Variants in RPTOR observed in about 807,000 individuals in gnomAD.
RPTOR encodes regulatory-associated protein of mTOR.
RPTOR carries 21 observed loss-of-function variants against 169.9 expected under a neutral mutation model. That is an observed-to-expected ratio of 0.12 (90% CI 0.09 to 0.18). The LOEUF is 0.18. Among genes scored for constraint, RPTOR ranks in the 10% least tolerant of loss-of-function variants. The pLI is 1.00. For missense variants in RPTOR, 1,133 were observed against 1,855.9 expected (o/e 0.61, Z 7.16); for synonymous variants, 732 against 753.2 (o/e 0.97, Z 0.46).
rs780165771 is a variant in RPTOR at position 80,752,102 on chromosome 17, C to T, written c.655-1908C>T. On this transcript the variant is annotated intron_variant, in intron 5 of 33. Coordinates refer to ENST00000306801, the MANE Select transcript of RPTOR (RefSeq NM_020761.3). ...ATCTACATGACATGCCCAGGCATCA[C>T]ATTTCAGGGTAACTGAAGAGAAGGC... Among the ~76,000 whole-genome samples, 7 of 152,268 alleles carry T rather than the reference C, an allele frequency of 4.6e-5. No homozygotes were observed. The South Asian group carries it at 6.2e-4, about 13-fold the overall frequency.
At chr17:80,751,162 G>A (rs940626535) in intron 5 of RPTOR, among the ~76,000 whole-genome samples, 4 of 152,220 alleles carry the variant, frequency 2.6e-5, no homozygotes, top group Non-Finnish European at 4.4e-5. Context: ...CGAGGTGGCT[G>A]TGAGTGAATA....
chr17:80,848,832 A>C (rs968706132), intron 11 of RPTOR, among the ~76,000 whole-genome samples: 1 of 152,200 alleles, frequency 6.6e-6, no homozygotes, highest in Non-Finnish European at 1.5e-5. Flanking sequence ...GATTTCTTTC[A>C]ATGTTCCCTT....
intron 3 of RPTOR, among the ~76,000 whole-genome samples, chr17:80,690,397 T>G (rs186306948): frequency 6.6e-6 from 1 of 152,338 alleles, no homozygotes; most frequent in East Asian, 1.9e-4. Context: ...GAATGTATTG[T>G]GAGTTACTTC....
intron 6 of RPTOR, among the ~76,000 whole-genome samples, chr17:80,765,466 G>GTAGC (rs2066776926): frequency 6.6e-6 from 1 of 152,194 alleles, no homozygotes; most frequent in Non-Finnish European, 1.5e-5. Context: ...AGGGATAACA[G>GTAGC]TAGCTAGCAT....
chr17:80,759,305 G>C (rs2066711706), intron 6 of RPTOR, among the ~76,000 whole-genome samples: 1 of 152,200 alleles, frequency 6.6e-6, no homozygotes, highest in Non-Finnish European at 1.5e-5. Context: ...ACCAAGGCAT[G>C]ATGTGTCATC....
intron 5 of RPTOR, 45 bp from the exon 6 acceptor site, chr17:80,753,965 A>G (rs374240594): frequency 1.8e-5 from 28 of 1,542,800 alleles, no homozygotes; most frequent in African/African-American, 1.2e-4. Context: ...GGTTGTGACC[A>G]GCAGCTAAAT....
At chr17:80,568,123 G>A (rs888495692) in intron 1 of RPTOR, among the ~76,000 whole-genome samples, 3 of 151,970 alleles carry the variant, frequency 2.0e-5, no homozygotes, top group African/African-American at 7.2e-5. Context: ...TGACCAGGCT[G>A]GTCTCGAACT....
chr17:80,962,813 G>T, intron 32 of RPTOR, 115 bp from the exon 33 acceptor site: 1 of 1,528,720 alleles, frequency 6.5e-7, no homozygotes, highest in South Asian at 1.3e-5. Context: ...CACCTGCCCC[G>T]AGCCAGCCTG....
chr17:80,770,214 C>T (rs1183183136), intron 6 of RPTOR, among the ~76,000 whole-genome samples: 1 of 152,166 alleles, frequency 6.6e-6, no homozygotes, highest in Non-Finnish European at 1.5e-5. Context: ...CTCCAGCACC[C>T]CCGCCTTAAA....
chr17:80,652,184 A>G (rs11871066), intron 3 of RPTOR, among the ~76,000 whole-genome samples: 44,328 of 151,732 alleles, frequency 0.29, 6,520 homozygotes, highest in Middle Eastern at 0.33. Context: ...AAAAAAAAAA[A>G]AAGTGTACAA....
intron 3 of RPTOR, among the ~76,000 whole-genome samples, chr17:80,644,353 GTT>G (rs2065577437): frequency 2.9e-5 from 1 of 33,910 alleles, no homozygotes; most frequent in South Asian, 8.3e-4. Flanking sequence ...TTTTTTGTTT[GTT>G]TGTTTAAAGA....
intron 28 of RPTOR, among the ~76,000 whole-genome samples, chr17:80,953,915 G>A (rs191493052): frequency 3.9e-5 from 6 of 152,352 alleles, no homozygotes; most frequent in South Asian, 2.1e-4. Context: ...CCACCACGGC[G>A]CTCGTGCTTC....
chr17:80,857,314 A>G (rs1272486794), intron 12 of RPTOR, among the ~76,000 whole-genome samples: 3 of 152,316 alleles, frequency 2.0e-5, no homozygotes, highest in African/African-American at 4.8e-5. Flanking sequence ...AAGTGCAAAC[A>G]TGAGTGTTGA....
intron 28 of RPTOR, among the ~76,000 whole-genome samples, chr17:80,953,323 G>GC (rs1393075285): frequency 6.6e-6 from 1 of 152,234 alleles, no homozygotes; most frequent in Admixed American, 6.5e-5. Context: ...AGGCTGGAAT[G>GC]CAGTGGCACC....
chr17:80,713,204 G>T (rs772529710), intron 4 of RPTOR, among the ~76,000 whole-genome samples: 5 of 152,156 alleles, frequency 3.3e-5, no homozygotes, highest in Non-Finnish European at 5.9e-5. Flanking sequence ...AAGTAGCAGG[G>T]ATTACAGGCA....
At chr17:80,579,314 C>T (rs1011662876) in intron 1 of RPTOR, among the ~76,000 whole-genome samples, 4 of 152,198 alleles carry the variant, frequency 2.6e-5, no homozygotes, top group African/African-American at 7.2e-5. Context: ...CTGCCTCAGC[C>T]CCCTGAGTAG....
chr17:80,901,423 A>G (rs1318773556), intron 20 of RPTOR, among the ~76,000 whole-genome samples: 4 of 151,812 alleles, frequency 2.6e-5, no homozygotes, highest in Admixed American at 2.0e-4. Context: ...TTCGTATATC[A>G]TTCAAATCTT....
chr17:80,765,684 C>T (rs996383218), intron 6 of RPTOR, among the ~76,000 whole-genome samples: 2 of 152,280 alleles, frequency 1.3e-5, no homozygotes, highest in East Asian at 1.9e-4. Context: ...CTCTCCTGCC[C>T]AGCGTCTCTC....
At chr17:80,894,728 A>G (rs904208160) in intron 20 of RPTOR, among the ~76,000 whole-genome samples, 1 of 152,124 alleles carries the variant, frequency 6.6e-6, no homozygotes, top group African/African-American at 2.4e-5. Flanking sequence ...CATTTTAGCC[A>G]TGTAAAAATT....
Sources: allele counts gnomAD v4.1 joint callset (sites outside exome capture counted in the v4.1 genomes callset), GRCh38; gene constraint gnomAD v4.1.1; transcripts MANE v1.5; gene names NCBI Gene and HGNC (gene_info 2026-07-23, HGNC 2026-07-21).